ZBTB24: variants seen among roughly 807,000 people sequenced by gnomAD.
ZBTB24 encodes zinc finger and BTB domain containing 24, also known as zinc finger and BTB domain-containing protein 24.
Under a neutral mutation model 53.8 loss-of-function variants are expected in ZBTB24, and 32 were observed. That is an observed-to-expected ratio of 0.60 (90% CI 0.45 to 0.80). The LOEUF (loss-of-function observed/expected upper bound fraction) is 0.80. Ranked by LOEUF, ZBTB24 falls within the 30% of genes least tolerant of loss-of-function variation. ZBTB24 has a pLI of 0.00. For missense variants in ZBTB24, 722 were observed against 837.1 expected (o/e 0.86, Z 1.70); for synonymous variants, 297 against 306.7 (o/e 0.97, Z 0.33).
chr6:109,482,760 G>C (rs1377015623), intron 1 of ZBTB24, among the ~76,000 whole-genome samples: 1 of 152,192 alleles, frequency 6.6e-6, no homozygotes, highest in Non-Finnish European at 1.5e-5. Flanking sequence ...CTATTTCAGG[G>C]AGAACGAAGC....
chr6:109,465,715 C>T lies in ZBTB24; in HGVS notation c.*136G>A. 1 of 1,607,394 alleles carries T rather than the reference C, an allele frequency of 6.2e-7. No individual in the cohort carries two copies. Among genetic ancestry groups the T allele is most frequent in the Non-Finnish European group, 8.5e-7 (1 of 1,179,660 alleles). ...CTACCTGGATGGAGGGCATTATAAA[C>T]ATCAGTTAGCCATCACAGCTCTCAC... On this transcript the variant is annotated 3_prime_UTR_variant, in exon 7 of 7. Transcript: ENST00000230122.
rs200558448 is a variant in ZBTB24, at chr6:109,468,852, TACAATGAC to T, written c.1289-1126_1289-1119del. On this transcript the variant is annotated intron_variant, in intron 5 of 6. Coordinates refer to ENST00000230122, the MANE Select transcript of ZBTB24 (RefSeq NM_014797.3). ...ATTCAGTGTGTTTGCATGCTGAACA[TACAATGAC>T]AGACTGTTCATGTTCCCCAGAAACA... 4.4e-3 allele frequency among the ~76,000 whole-genome samples: 649 copies of T among 146,508 alleles called. 5 individuals are homozygous for T. Among genetic ancestry groups the T allele is most frequent in the African/African-American group, 0.015 (601 of 39,490 alleles).
rs529652175 is a variant in ZBTB24 at position 109,476,955 on chromosome 6, G to T, written c.953-25C>A. 4.9e-4 allele frequency: 783 copies of T among 1,611,702 alleles called. 19 individuals carry two copies. The South Asian group carries it at 8.4e-3, about 17-fold the overall frequency. On this transcript the variant is annotated intron_variant, in intron 2 of 6. Transcript: ENST00000230122. ...CCTGGAAGAAGAGCCCCAGAAGCAT[G>T]GTATAAGTAAGAATCCACACATTTT...
At position 109,467,711 on chromosome 6, in the gene ZBTB24, T is replaced by C. The variant is rs765885114; in HGVS notation, c.1312A>G (p.Ile438Val). 6.2e-7 allele frequency: 1 copy of C among 1,613,962 alleles called. No homozygotes were observed. The highest frequency in any genetic ancestry group is 1.1e-5 in the South Asian group (1 of 91,046). ...TTTGCTGTGAAAGATTTGCCACAGATTTCACAAGTAAATGGCTTCTCACCT... is the reference window on the plus strand; with the variant it reads ...TTTGCTGTGAAAGATTTGCCACAGACTTCACAAGTAAATGGCTTCTCACCT... The part of the protein sequence containing the change: ...HTGEKPFTCE[I>V]CGKSFTAKSS... The change falls in exon 6 of 7, where the codon ATC becomes GTC. Residue 438 changes from isoleucine to valine, a missense_variant. Coordinates refer to ENST00000230122, the MANE Select transcript of ZBTB24 (RefSeq NM_014797.3).
Position 109,481,325 on chromosome 6 carries a change from T to C in ZBTB24, c.702A>G (p.Glu234=). The change falls in exon 2 of 7, where the codon GAA becomes GAG. Residue 234 remains glutamate (E), a synonymous_variant. Transcript: ENST00000230122. ...EPSREEEMPV[E]KDENYDPKTE... is the part of the protein sequence containing the mutation. ...TCTTGGGATCATAGTTCTCATCTTT[T>C]TCAACTGGCATTTCCTCCTCTCTAC... The C allele has an allele frequency of 6.2e-7, 1 of 1,614,200 alleles. No individual in the cohort carries two copies. The highest frequency in any genetic ancestry group is 8.5e-7 in the Non-Finnish European group (1 of 1,180,034).
intron 5 of ZBTB24, among the ~76,000 whole-genome samples, chr6:109,472,202 A>C (rs1418878805): frequency 1.3e-5 from 2 of 152,150 alleles, no homozygotes; most frequent in Non-Finnish European, 2.9e-5. Flanking sequence ...CCCTTCACCA[A>C]CATTCAAGCA....
intron 1 of ZBTB24, among the ~76,000 whole-genome samples, chr6:109,482,756 CA>C (rs1435155854): frequency 6.6e-6 from 1 of 152,192 alleles, no homozygotes; most frequent in African/African-American, 2.4e-5. Context: ...ACAACTATTT[CA>C]GGGAGAACGA....
At chr6:109,475,278 C>G in intron 5 of ZBTB24, 121 bp downstream of exon 5, 1 of 1,183,480 alleles carries the variant, frequency 8.4e-7, no homozygotes, top group Non-Finnish European at 1.2e-6. Flanking sequence ...TTACACAACT[C>G]CCATCCAATT....
intron 2 of ZBTB24, among the ~76,000 whole-genome samples, chr6:109,480,170 C>T (rs1776371187): frequency 1.3e-5 from 2 of 152,060 alleles, no homozygotes; most frequent in South Asian, 4.1e-4. Flanking sequence ...AGAACCACAG[C>T]ACCAGATACT....
chr6:109,472,890 G>A (rs1277889291), intron 5 of ZBTB24, among the ~76,000 whole-genome samples: 1 of 152,102 alleles, frequency 6.6e-6, no homozygotes, highest in Non-Finnish European at 1.5e-5. Context: ...ACTATCTCCA[G>A]AACTGGACCA....
rs1002986835 is a variant in ZBTB24, at chr6:109,465,301, T to C, written c.*550A>G. On this transcript the variant is annotated 3_prime_UTR_variant, in exon 7 of 7. Coordinates refer to ENST00000230122, the MANE Select transcript of ZBTB24 (RefSeq NM_014797.3). ...CACTGTACTGCATAAAGATAAAACGTTGAGGGTTACTTTGTCTTAGGGGAC... is the reference window on the plus strand; with the variant it reads ...CACTGTACTGCATAAAGATAAAACGCTGAGGGTTACTTTGTCTTAGGGGAC... 28 of 260,402 alleles carry C rather than the reference T, an allele frequency of 1.1e-4. No homozygotes were observed. Among genetic ancestry groups the C allele is most frequent in the African/African-American group, 5.6e-4 (25 of 44,786 alleles). 16.1% of individuals were successfully genotyped at this position (260,402 alleles called of 1,614,324 possible). A position where few individuals can be genotyped will look rare whatever the true frequency, so the allele number is the denominator to read the frequency against.
intron 3 of ZBTB24, among the ~76,000 whole-genome samples, 193 bp downstream of exon 3, chr6:109,476,570 C>T (rs1228259780): frequency 6.6e-6 from 1 of 152,222 alleles, no homozygotes. Context: ...CTCCCAGCAG[C>T]CAGTTTATAA....
chr6:109,470,855 A>T lies in ZBTB24; in HGVS notation c.1289-3121T>A, dbSNP rs115907488. ...TGTTTATTTGCGGTCTTACTGTGTG[A>T]GGTCATCCAATGCATGCCGTTTGTC... On this transcript the variant is annotated intron_variant, in intron 5 of 6. Transcript: ENST00000230122. 2.1e-3 allele frequency among the ~76,000 whole-genome samples: 324 copies of T among 152,346 alleles called. 3 individuals are homozygous for T. The highest frequency in any genetic ancestry group is 7.6e-3 in the African/African-American group (316 of 41,586).
chr6:109,481,275 C>T lies in ZBTB24; in HGVS notation c.752G>A (p.Ser251Asn), dbSNP rs1776405184. Residue 251 changes from serine (S) to asparagine (N), a missense_variant, in exon 2 of 7, where the codon AGT becomes AAT. By Grantham distance (46) the Ser-to-Asn change is conservative. Transcript: ENST00000230122. ...CCAAATCCTCCGCTTGCTGTATCGA[C>T]TCTGGCTTGCCTGGCCATCCTCGGT... Reference protein sequence around the residue: ...PKTEDGQASQSRYSKRRIWRS... With the variant: ...PKTEDGQASQNRYSKRRIWRS... 1 of 1,614,210 alleles carries T rather than the reference C, an allele frequency of 6.2e-7. No individual in the cohort carries two copies. The highest frequency in any genetic ancestry group is 2.2e-5 in the East Asian group (1 of 44,890).
chr6:109,483,122 G>T lies in ZBTB24; in HGVS notation c.-53C>A, dbSNP rs1262816935. On this transcript the variant is annotated 5_prime_UTR_variant, in exon 1 of 7. Coordinates refer to ENST00000230122, the MANE Select transcript of ZBTB24 (RefSeq NM_014797.3). ...CCCGGCGGCCTGGCGGGAGACCCAC[G>T]CCGGGGCCCGCTGGCCCTCCGCTCC... 1.3e-5 allele frequency: 2 copies of T among 152,112 alleles called. No individual in the cohort carries two copies. The highest frequency in any genetic ancestry group is 1.3e-4 in the Admixed American group (2 of 15,266). 9.4% of individuals were successfully genotyped at this position (152,112 alleles called of 1,614,324 possible).
chr6:109,481,575 G>C lies in ZBTB24; in HGVS notation c.452C>G (p.Ser151Cys), dbSNP rs1194696874. The C allele has an allele frequency of 6.2e-7, 1 of 1,614,032 alleles. No homozygotes were observed. The highest frequency in any genetic ancestry group is 8.5e-7 in the Non-Finnish European group (1 of 1,180,048). ...CTTTGGAGGATCGTTTTTCTTATTAGAGATAACAACCACTGGGGCACCAGC... is the reference window on the plus strand; with the variant it reads ...CTTTGGAGGATCGTTTTTCTTATTACAGATAACAACCACTGGGGCACCAGC... The part of the protein sequence containing the change: ...NTAGAPVVVI[S>C]NKKNDPPKRK... The change falls in exon 2 of 7, where the codon TCT becomes TGT. Residue 151 changes from serine to cysteine, a missense_variant. By Grantham distance (112) the Ser-to-Cys change is moderately radical (BLOSUM62 -1). Transcript: ENST00000230122.
chr6:109,478,682 C>T (rs1317519924), intron 2 of ZBTB24, among the ~76,000 whole-genome samples: 1 of 152,020 alleles, frequency 6.6e-6, no homozygotes, highest in Non-Finnish European at 1.5e-5. Context: ...GCCTGGGCAA[C>T]AGCCTAAGAA....
chr6:109,478,174 G>A (rs1776318928), intron 2 of ZBTB24, among the ~76,000 whole-genome samples: 1 of 152,196 alleles, frequency 6.6e-6, no homozygotes, highest in Non-Finnish European at 1.5e-5. Context: ...TGATTTAGCA[G>A]AAGATAAGGG....
At position 109,466,447 on chromosome 6, in the gene ZBTB24, C is replaced by T; in HGVS notation, c.1498G>A (p.Ala500Thr). ...TGAGCCTTCAAGTTGTCTAAGCGAG[C>T]AAACTGTAAGTTACACTCAGGGCAG... ...FSCPECNLQF[A>T]RLDNLKAHLK... The change falls in exon 7 of 7, where the codon GCT (alanine) becomes ACT (threonine). Residue 500 changes from alanine (A) to threonine (T), a missense_variant. Physicochemically the swap from Ala to Thr is moderately conservative, Grantham distance 58 (BLOSUM62 0). Transcript: ENST00000230122. 1.2e-6 allele frequency: 2 copies of T among 1,614,184 alleles called. No individual in the cohort carries two copies. The highest frequency in any genetic ancestry group is 1.1e-5 in the South Asian group (1 of 91,086).
Sources: gnomAD v4.1 joint callset for allele counts (sites outside exome capture counted in the v4.1 genomes callset) on GRCh38, gnomAD v4.1.1 for gene constraint, MANE v1.5 for transcripts, NCBI Gene and HGNC (gene_info 2026-07-23, HGNC 2026-07-21) for gene names.